Variants in CHCHD6 observed in about 807,000 individuals in gnomAD.
CHCHD6 encodes coiled-coil-helix-coiled-coil-helix domain containing 6, also known as MICOS complex subunit MIC25.
Under a neutral mutation model 32.3 loss-of-function variants are expected in CHCHD6, and 28 were observed. The observed-to-expected ratio is 0.87, with a 90% confidence interval of 0.64 to 1.19. The LOEUF (loss-of-function observed/expected upper bound fraction) is 1.19, where lower values mean the gene tolerates loss of function less well. CHCHD6 is among the 50% of genes most tolerant of loss of function. CHCHD6 has a pLI of 0.00. For synonymous variants in CHCHD6, 122 were observed against 117.5 expected (o/e 1.04, Z -0.25); for missense variants, 333 against 307.0 (o/e 1.08, Z -0.63).
At chr3:126,789,099 C>T (rs1015739437) in intron 4 of CHCHD6, among the ~76,000 whole-genome samples, 1 of 152,188 alleles carries the variant, frequency 6.6e-6, no homozygotes, top group African/African-American at 2.4e-5. Flanking sequence ...CATTCAGGAG[C>T]AGGTTGTTCA....
At chr3:126,751,020 C>G (rs567709443) in intron 4 of CHCHD6, among the ~76,000 whole-genome samples, 1 of 152,154 alleles carries the variant, frequency 6.6e-6, no homozygotes, top group African/African-American at 2.4e-5. Context: ...GGGAGAGGAA[C>G]GGTGGTCTAA....
intron 5 of CHCHD6, among the ~76,000 whole-genome samples, chr3:126,888,891 C>T (rs1193769648): frequency 1.3e-5 from 2 of 152,182 alleles, no homozygotes; most frequent in Non-Finnish European, 2.9e-5. Flanking sequence ...GCAAGTCAAC[C>T]CCTCATCCCT....
At chr3:126,805,149 G>A (rs1355497588) in intron 4 of CHCHD6, among the ~76,000 whole-genome samples, 1 of 152,144 alleles carries the variant, frequency 6.6e-6, no homozygotes, top group Non-Finnish European at 1.5e-5. Context: ...ACAAGACAGG[G>A]ATGCCCTCTC....
intron 2 of CHCHD6, 96 bp from the exon 3 acceptor site, chr3:126,730,465 A>G (rs1935740735): frequency 6.1e-6 from 6 of 983,072 alleles, no homozygotes; most frequent in South Asian, 4.5e-5. Context: ...CAAGGGGCAC[A>G]TTCATTCATG....
intron 4 of CHCHD6, among the ~76,000 whole-genome samples, chr3:126,774,175 A>T (rs1233736278): frequency 6.6e-6 from 1 of 152,216 alleles, no homozygotes; most frequent in Non-Finnish European, 1.5e-5. Context: ...ACACAATAAA[A>T]TTCACACGTT....
chr3:126,728,583 C>T (rs1416659906), intron 2 of CHCHD6, among the ~76,000 whole-genome samples: 1 of 152,198 alleles, frequency 6.6e-6, no homozygotes, highest in African/African-American at 2.4e-5. Context: ...CACTTACTCC[C>T]CACGCTGGCT....
At chr3:126,738,218 A>G (rs1018495465) in intron 4 of CHCHD6, among the ~76,000 whole-genome samples, 1 of 152,100 alleles carries the variant, frequency 6.6e-6, no homozygotes, top group Non-Finnish European at 1.5e-5. Context: ...CTCCCTGTCC[A>G]CGGGTTTCCG....
chr3:126,910,348 A>G (rs1275963948), intron 5 of CHCHD6, among the ~76,000 whole-genome samples: 3 of 150,272 alleles, frequency 2.0e-5, no homozygotes, highest in Non-Finnish European at 4.4e-5. Context: ...CTTCACCCTT[A>G]TTGCCCATGA....
chr3:126,871,633 G>A (rs1165555771), intron 5 of CHCHD6, among the ~76,000 whole-genome samples: 2 of 150,148 alleles, frequency 1.3e-5, no homozygotes, highest in East Asian at 3.9e-4. Flanking sequence ...GCTGAGGACA[G>A]CTTATGCTCT....
chr3:126,711,338 G>A (rs756997127), intron 1 of CHCHD6, among the ~76,000 whole-genome samples: 2 of 152,230 alleles, frequency 1.3e-5, no homozygotes, highest in Non-Finnish European at 2.9e-5. Context: ...GTGTGCGGCA[G>A]ACTTTGTTTT....
At chr3:126,905,203 C>T (rs184221850) in intron 5 of CHCHD6, among the ~76,000 whole-genome samples, 1 of 152,282 alleles carries the variant, frequency 6.6e-6, no homozygotes, top group Non-Finnish European at 1.5e-5. Context: ...TGAGCCCAAG[C>T]GGGTCCCAGT....
At chr3:126,809,223 C>A (rs1939550704) in intron 4 of CHCHD6, among the ~76,000 whole-genome samples, 1 of 152,226 alleles carries the variant, frequency 6.6e-6, no homozygotes, top group Non-Finnish European at 1.5e-5. Flanking sequence ...ATCCGCCCAC[C>A]TTGGCCTCCC....
chr3:126,808,811 A>G (rs1393013698), intron 4 of CHCHD6, among the ~76,000 whole-genome samples: 2 of 152,134 alleles, frequency 1.3e-5, no homozygotes, highest in African/African-American at 2.4e-5. Context: ...GAGCAGGAGC[A>G]TTGTCCTGGT....
intron 6 of CHCHD6, among the ~76,000 whole-genome samples, chr3:126,923,888 TAG>T (rs2107595262): frequency 6.6e-6 from 1 of 152,276 alleles, no homozygotes; most frequent in Admixed American, 6.5e-5. Flanking sequence ...CCTAGGTGCA[TAG>T]AGTGTATCAG....
intron 6 of CHCHD6, among the ~76,000 whole-genome samples, chr3:126,918,100 C>T (rs1438001212): frequency 6.6e-6 from 1 of 152,224 alleles, no homozygotes; most frequent in Non-Finnish European, 1.5e-5. Context: ...TATAAAAACA[C>T]TTTTCCTTTT....
At position 126,730,518 on chromosome 3, in the gene CHCHD6, C is replaced by A. The variant is rs377407417; in HGVS notation, c.197-43C>A. On this transcript the variant is annotated intron_variant, in intron 2 of 7. Transcript: ENST00000290913. ...GGTGACCTCTGTGACTTCGTGGACC[C>A]TGGGGTGCCACTGACAGGCCCTTTC... 3.2e-6 allele frequency: 5 copies of A among 1,570,554 alleles called. No homozygotes were observed. The African/African-American group carries it at 4.1e-5, about 13-fold the overall frequency.
intron 4 of CHCHD6, among the ~76,000 whole-genome samples, chr3:126,799,142 T>C (rs1938942331): frequency 1.3e-5 from 2 of 152,200 alleles, no homozygotes; most frequent in Non-Finnish European, 1.5e-5. Flanking sequence ...GCAGAGTCTG[T>C]GTTTTTGTCC....
At chr3:126,770,264 T>TGG (rs1937519885) in intron 4 of CHCHD6, among the ~76,000 whole-genome samples, 1 of 152,194 alleles carries the variant, frequency 6.6e-6, no homozygotes, top group African/African-American at 2.4e-5. Context: ...TATAAAATCA[T>TGG]GTTGTCTGCA....
intron 4 of CHCHD6, among the ~76,000 whole-genome samples, chr3:126,782,600 TAGA>T (rs1442776904): frequency 2.0e-5 from 3 of 152,182 alleles, no homozygotes; most frequent in African/African-American, 7.2e-5. Context: ...AAGCAGGCCT[TAGA>T]AGAAGAGAGC....
Sources: allele counts gnomAD v4.1 joint callset (sites outside exome capture counted in the v4.1 genomes callset), GRCh38; gene constraint gnomAD v4.1.1; transcripts MANE v1.5; gene names NCBI Gene and HGNC (gene_info 2026-07-23, HGNC 2026-07-21).